Variants in USP34 observed in about 807,000 individuals in gnomAD.
The protein encoded by USP34 is ubiquitin specific peptidase 34.
A neutral mutation model predicts 460.3 loss-of-function variants in USP34; 70 were observed. The observed-to-expected ratio is 0.15, with a 90% CI of 0.13 to 0.19. The LOEUF (loss-of-function observed/expected upper bound fraction) is 0.19. USP34 is among the 10% of genes least tolerant of loss of function. USP34 has a pLI of 1.00. For synonymous variants in USP34, 1,647 were observed against 1,405.3 expected (o/e 1.17, Z -3.85); for missense variants, 3,985 against 4,236.2 (o/e 0.94, Z 1.65).
At chr2:61,358,099 G>A (rs1692160423) in intron 10 of USP34, among the ~76,000 whole-genome samples, 1 of 152,152 alleles carries the variant, frequency 6.6e-6, no homozygotes, top group African/African-American at 2.4e-5. Context: ...GGCTGAGACA[G>A]GAGAATCACT....
intron 25 of USP34, among the ~76,000 whole-genome samples, chr2:61,312,330 G>C (rs765007712): frequency 1.3e-5 from 2 of 151,890 alleles, no homozygotes; most frequent in Non-Finnish European, 2.9e-5. Flanking sequence ...AAACATTCTG[G>C]TAAATATATA....
chr2:61,395,659 G>A (rs1251479206), intron 3 of USP34, among the ~76,000 whole-genome samples: 1 of 149,432 alleles, frequency 6.7e-6, no homozygotes, highest in African/African-American at 2.5e-5. Context: ...AGTGGCGGGC[G>A]CCTGTAGTCC....
intron 41 of USP34, among the ~76,000 whole-genome samples, chr2:61,275,617 CT>C (rs34255356): frequency 0.36 from 52,140 of 146,648 alleles, 9,239 homozygotes; most frequent in Non-Finnish European, 0.42. Context: ...GACCCTGTCC[CT>C]TTTTTTTTTT....
chr2:61,333,495 G>A (rs540736805), intron 19 of USP34, among the ~76,000 whole-genome samples: 1 of 152,018 alleles, frequency 6.6e-6, no homozygotes, highest in African/African-American at 2.4e-5. Flanking sequence ...ATAAGGTAGT[G>A]TCAAGATTAC....
intron 1 of USP34, among the ~76,000 whole-genome samples, chr2:61,425,953 G>A (rs537026815): frequency 1.3e-5 from 2 of 151,870 alleles, no homozygotes; most frequent in Non-Finnish European, 2.9e-5. Context: ...AGCAAGACAG[G>A]GCACCGCTCA....
chr2:61,280,324 T>C lies in USP34; in HGVS notation c.5176A>G (p.Ile1726Val), dbSNP rs540604000. 2.6e-6 allele frequency: 4 copies of C among 1,547,032 alleles called. No individual in the cohort carries two copies. The highest frequency in any genetic ancestry group is 2.6e-5 in the South Asian group (2 of 76,350). Residue 1726 changes from isoleucine to valine, a missense_variant, in exon 39 of 80, where the codon ATA becomes GTA. By Grantham distance (29) the Ile-to-Val change is conservative (BLOSUM62 3). This residue lies in a region of USP34 where 1,114 missense variants were observed against 1,122.5 expected (regional missense o/e 0.99). Transcript: ENST00000398571. ...TACTCTTTACATCCTGGTTTTAATA[T>C]TGGTTCTTCCTCATAATCATCTATC... Reference protein sequence around the residue: ...IRIDDYEEEPILKPGCKEYFW... With the variant: ...IRIDDYEEEPVLKPGCKEYFW...
intron 62 of USP34, among the ~76,000 whole-genome samples, chr2:61,225,187 T>A (rs1687691126): frequency 6.6e-6 from 1 of 152,188 alleles, no homozygotes; most frequent in African/African-American, 2.4e-5. Context: ...AAATTTAGTT[T>A]TAAATAAGTT....
At chr2:61,243,040 T>C (rs1381940819) in intron 51 of USP34, among the ~76,000 whole-genome samples, 1 of 151,814 alleles carries the variant, frequency 6.6e-6, no homozygotes, top group Non-Finnish European at 1.5e-5. Context: ...GACATGGGGT[T>C]TCACCATGTT....
At chr2:61,232,870 CTTT>C (rs1198998742) in intron 57 of USP34, among the ~76,000 whole-genome samples, 1 of 86,758 alleles carries the variant, frequency 1.2e-5, no homozygotes, top group African/African-American at 4.4e-5. Context: ...TCCCCCCCCC[CTTT>C]TTTTTTTTTT....
intron 57 of USP34, among the ~76,000 whole-genome samples, chr2:61,233,614 C>A (rs1371247471): frequency 6.6e-6 from 1 of 151,938 alleles, no homozygotes; most frequent in Non-Finnish European, 1.5e-5. Context: ...TAGCTTGAAG[C>A]CTGGAGTTTG....
At position 61,380,159 on chromosome 2, in the gene USP34, T is replaced by C. The variant is rs766049826; in HGVS notation, c.1014+10A>G. 6.2e-7 allele frequency: 1 copy of C among 1,605,190 alleles called. No homozygotes were observed. Among genetic ancestry groups the C allele is most frequent in the Non-Finnish European group, 8.5e-7 (1 of 1,174,822 alleles). On this transcript the variant is annotated intron_variant, in intron 7 of 79. Coordinates refer to ENST00000398571, the MANE Select transcript of USP34 (RefSeq NM_014709.4). ...AAACGATGACCAAAAATAAAACAAA[T>C]ACAGCTTACTGTTATCTGACTCAAT...
chr2:61,212,848 C>T (rs1284973542), intron 68 of USP34, among the ~76,000 whole-genome samples: 2 of 152,136 alleles, frequency 1.3e-5, no homozygotes, highest in Non-Finnish European at 2.9e-5. Flanking sequence ...CTGGACATCA[C>T]ATCTAGTAAC....
chr2:61,203,027 C>T, intron 75 of USP34, 113 bp downstream of exon 75: 1 of 1,086,480 alleles, frequency 9.2e-7, no homozygotes, highest in Non-Finnish European at 1.3e-6. Flanking sequence ...TATTTTTAAG[C>T]ATTCACTTTA....
At chr2:61,383,532 G>A (rs551852273) in intron 5 of USP34, among the ~76,000 whole-genome samples, 196 bp from the exon 6 acceptor site, 9 of 152,066 alleles carry the variant, frequency 5.9e-5, no homozygotes, top group Admixed American at 3.3e-4. Context: ...GTAAAACCCC[G>A]TATCTACTAA....
intron 48 of USP34, chr2:61,250,513 C>A: frequency 6.2e-6 from 1 of 160,200 alleles, no homozygotes; most frequent in South Asian, 1.9e-4. Flanking sequence ...AGGGCATATT[C>A]TCTGCAAAAT....
intron 20 of USP34, among the ~76,000 whole-genome samples, chr2:61,328,225 C>G (rs1156470246): frequency 6.7e-6 from 1 of 149,362 alleles, no homozygotes; most frequent in Non-Finnish European, 1.5e-5. Flanking sequence ...TCACTTAAAC[C>G]CAGGAGGTGG....
At chr2:61,309,935 G>C (rs777629280) in intron 27 of USP34, among the ~76,000 whole-genome samples, 3 of 152,084 alleles carry the variant, frequency 2.0e-5, no homozygotes, top group African/African-American at 4.8e-5. Flanking sequence ...TTATCTAATA[G>C]TAGCTACATG....
chr2:61,413,849 T>G (rs1694118375), intron 2 of USP34, among the ~76,000 whole-genome samples: 1 of 142,952 alleles, frequency 7.0e-6, no homozygotes, highest in African/African-American at 2.6e-5. Flanking sequence ...GAGAATTGCC[T>G]GAACCTGGAA....
At chr2:61,410,682 C>T (rs967124661) in intron 2 of USP34, among the ~76,000 whole-genome samples, 1 of 152,246 alleles carries the variant, frequency 6.6e-6, no homozygotes, top group South Asian at 2.1e-4. Flanking sequence ...GTTCTCTATT[C>T]GAAATCCTAC....
Sources: gnomAD v4.1 joint callset for allele counts (sites outside exome capture counted in the v4.1 genomes callset) on GRCh38, gnomAD v4.1.1 for gene constraint, gnomAD v4.1.1 regional missense constraint, MANE v1.5 for transcripts, NCBI Gene and HGNC (gene_info 2026-07-23, HGNC 2026-07-21) for gene names.